DLGAP4: variants seen among roughly 807,000 people sequenced by gnomAD.
DLGAP4 encodes the protein DLG associated protein 4, also known as disks large-associated protein 4.
In DLGAP4, 18 loss-of-function variants were observed where a neutral mutation model predicts 86.9. The observed-to-expected ratio is 0.21, with a 90% CI of 0.14 to 0.31. The LOEUF is 0.31. Among genes scored for constraint, DLGAP4 ranks in the 10% least tolerant of loss-of-function variants. The pLI is 1.00. For synonymous variants in DLGAP4, 548 were observed against 574.3 expected (o/e 0.95, Z 0.65); for missense variants, 1,085 against 1,362.6 (o/e 0.80, Z 3.21).
intron 1 of DLGAP4, among the ~76,000 whole-genome samples, chr20:36,343,037 A>T (rs949362778): frequency 6.6e-6 from 1 of 152,006 alleles, no homozygotes; most frequent in East Asian, 1.9e-4. Context: ...GAGGGAGAGG[A>T]TGCTAGAGAG....
chr20:36,462,744 G>A, intron 7 of DLGAP4: 4 of 1,170,974 alleles, frequency 3.4e-6, no homozygotes, highest in Non-Finnish European at 4.6e-6. Context: ...AGGAGGGAGG[G>A]GCCAGGCTGT....
chr20:36,336,589 A>G (rs1375350655), intron 1 of DLGAP4, among the ~76,000 whole-genome samples: 1 of 152,184 alleles, frequency 6.6e-6, no homozygotes, highest in Admixed American at 6.5e-5. Context: ...GATGGCTGGC[A>G]TGAGTACCAG....
intron 1 of DLGAP4, among the ~76,000 whole-genome samples, chr20:36,318,106 T>TCTCA (rs1177416907): frequency 3.6e-5 from 5 of 139,150 alleles, no homozygotes; most frequent in African/African-American, 1.1e-4. Context: ...ATGTGTCCTC[T>TCTCA]CACACACACA....
chr20:36,374,087 C>A (rs1261671628), intron 2 of DLGAP4, among the ~76,000 whole-genome samples: 1 of 150,858 alleles, frequency 6.6e-6, no homozygotes, highest in East Asian at 2.0e-4. Flanking sequence ...CCAGATCTTA[C>A]GGTCAGAAGC....
intron 2 of DLGAP4, among the ~76,000 whole-genome samples, chr20:36,375,211 G>C (rs1343692946): frequency 6.6e-6 from 1 of 152,158 alleles, no homozygotes; most frequent in Non-Finnish European, 1.5e-5. Context: ...CACCCTGCAG[G>C]TGGGAGCTGG....
intron 1 of DLGAP4, among the ~76,000 whole-genome samples, chr20:36,340,960 T>TGAGCACCTCCCACCCCTCCCC (rs1389553636): frequency 6.6e-6 from 1 of 152,122 alleles, no homozygotes; most frequent in Non-Finnish European, 1.5e-5. Context: ...CTGGTCTCCC[T>TGAGCACCTCCCACCCCTCCCC]GAGCACCTCC....
At chr20:36,318,429 G>A (rs1441310206) in intron 1 of DLGAP4, among the ~76,000 whole-genome samples, 1 of 152,204 alleles carries the variant, frequency 6.6e-6, no homozygotes, top group Non-Finnish European at 1.5e-5. Context: ...CTGAAATGCA[G>A]TGGTGCAGTC....
intron 1 of DLGAP4, among the ~76,000 whole-genome samples, chr20:36,330,249 A>G (rs1044899527): frequency 3.3e-5 from 5 of 152,076 alleles, no homozygotes; most frequent in Admixed American, 1.3e-4. Flanking sequence ...GCCAGGCCAG[A>G]GGAGGGTTTT....
At chr20:36,525,174 C>T (rs2037634346) in intron 11 of DLGAP4, among the ~76,000 whole-genome samples, 2 of 125,660 alleles carry the variant, frequency 1.6e-5, no homozygotes, top group South Asian at 2.7e-4. Context: ...GCCGAGATCG[C>T]GTCACTGCAT....
chr20:36,490,110 G>A (rs542117833), intron 7 of DLGAP4, among the ~76,000 whole-genome samples: 1 of 151,980 alleles, frequency 6.6e-6, no homozygotes, highest in East Asian at 1.9e-4. Context: ...CACCCACCTC[G>A]GCCTCTCAAA....
chr20:36,362,760 C>T (rs6016426), intron 1 of DLGAP4, among the ~76,000 whole-genome samples: 4 of 152,130 alleles, frequency 2.6e-5, no homozygotes, highest in Non-Finnish European at 5.9e-5. Context: ...ATTACGTGGC[C>T]TGTTGTATAA....
At chr20:36,347,291 A>T (rs544286730) in intron 1 of DLGAP4, among the ~76,000 whole-genome samples, 1 of 152,300 alleles carries the variant, frequency 6.6e-6, no homozygotes, top group East Asian at 1.9e-4. Flanking sequence ...ATAGGATCAG[A>T]TTAGAAGCAA....
In DLGAP4 at chr20:36,497,561, G is replaced by A. The variant is rs41302567; in HGVS notation, c.2010+495G>A. The A allele has an allele frequency of 7.3e-3, 7,199 of 988,940 alleles. 37 individuals carry two copies. The highest frequency in any genetic ancestry group is 0.019 in the Middle Eastern group (37 of 1,918). The allele number at this position is 988,940 out of a possible 1,614,324, so 61.3% of individuals were successfully genotyped here. On this transcript the variant is annotated intron_variant, in intron 8 of 12. Transcript: ENST00000339266. ...GGCCCTTGAGCCATGGGGGTTGCTC[G>A]AGGGGAACTTTGCCCAGAGCCCTCT... is the stretch of plus-strand genomic sequence containing the variant.
intron 1 of DLGAP4, among the ~76,000 whole-genome samples, chr20:36,307,721 C>T (rs561701815): frequency 1.3e-5 from 2 of 152,174 alleles, no homozygotes; most frequent in South Asian, 4.1e-4. Context: ...ACTGGCCTGC[C>T]CTGCCTCTAC....
intron 7 of DLGAP4, chr20:36,462,574 T>A (rs1441693784): frequency 6.2e-7 from 1 of 1,600,728 alleles, no homozygotes; most frequent in Non-Finnish European, 8.5e-7. Context: ...CCCTCATGGC[T>A]TTGTGTCTGG....
At chr20:36,495,865 A>C (rs565222100) in intron 7 of DLGAP4, among the ~76,000 whole-genome samples, 2 of 151,868 alleles carry the variant, frequency 1.3e-5, no homozygotes, top group South Asian at 2.1e-4. Context: ...TTGTTTGTTC[A>C]TGTGTTTGTT....
chr20:36,367,818 G>A lies in DLGAP4; in HGVS notation c.-73+543G>A, dbSNP rs369053183. ...TGCTGGGCCTGCCCCGTCTCCAACC[G>A]TCTGTCTGGGGGTGCAACCACAGTG... On this transcript the variant is annotated intron_variant, in intron 2 of 12. Coordinates refer to ENST00000339266, the MANE Select transcript of DLGAP4 (RefSeq NM_001365621.2). Among the ~76,000 whole-genome samples the A allele has an allele frequency of 3.3e-5, 5 of 152,300 alleles. No individual in the cohort carries two copies. In the East Asian group the frequency reaches 5.8e-4, roughly 18 times the overall value.
At chr20:36,441,965 C>T (rs578147357) in intron 5 of DLGAP4, among the ~76,000 whole-genome samples, 2 of 152,298 alleles carry the variant, frequency 1.3e-5, no homozygotes, top group South Asian at 2.1e-4. Context: ...GCTGCCCAGT[C>T]CCAGTTCTCT....
chr20:36,400,073 A>T (rs1324100282), intron 2 of DLGAP4, among the ~76,000 whole-genome samples: 1 of 152,244 alleles, frequency 6.6e-6, no homozygotes, highest in Non-Finnish European at 1.5e-5. Context: ...GAAACAAACA[A>T]ACAAAAAACC....
Sources: allele counts gnomAD v4.1 joint callset (sites outside exome capture counted in the v4.1 genomes callset), GRCh38; gene constraint gnomAD v4.1.1; transcripts MANE v1.5; gene names NCBI Gene and HGNC (gene_info 2026-07-23, HGNC 2026-07-21).